Variants in DAB1 observed in about 807,000 individuals in gnomAD.
DAB1 encodes DAB adaptor protein 1.
A neutral mutation model predicts 64.6 loss-of-function variants in DAB1; 15 were observed. That is an observed-to-expected ratio of 0.23 (90% CI 0.16 to 0.36). The LOEUF (loss-of-function observed/expected upper bound fraction) is 0.36. DAB1 is among the 10% of genes least tolerant of loss of function. DAB1 has a pLI of 1.00. For synonymous variants in DAB1, 235 were observed against 251.9 expected (o/e 0.93, Z 0.64); for missense variants, 596 against 706.7 (o/e 0.84, Z 1.78).
downstream of DAB1, among the ~76,000 whole-genome samples, chr1:57,824,807 CCAG>C (rs1373746582): frequency 6.6e-6 from 1 of 152,156 alleles, no homozygotes; most frequent in Admixed American, 6.5e-5. Flanking sequence ...TTCAGAGATT[CCAG>C]CAGCAGCTGG....
chr1:58,429,843 A>G (rs932479339), intron 3 of DAB1, among the ~76,000 whole-genome samples: 1 of 152,162 alleles, frequency 6.6e-6, no homozygotes, highest in African/African-American at 2.4e-5. Context: ...AACAGTGTAG[A>G]TTATAAACCA....
intron 4 of DAB1, among the ~76,000 whole-genome samples, chr1:58,282,946 A>T (rs188915323): frequency 6.6e-6 from 1 of 152,362 alleles, no homozygotes; most frequent in East Asian, 1.9e-4. Context: ...GCTTGCAGAG[A>T]AGAAGCCAAC....
chr1:58,037,345 ATC>A (rs1647060251), intron 5 of DAB1, among the ~76,000 whole-genome samples: 1 of 152,064 alleles, frequency 6.6e-6, no homozygotes, highest in Non-Finnish European at 1.5e-5. Flanking sequence ...CTGCCTCCAG[ATC>A]TTCCCTTACG....
At chr1:57,372,027 A>G (rs148437303) in intron 1 of DAB1, among the ~76,000 whole-genome samples, 1,828 of 152,268 alleles carry the variant, frequency 0.012, 23 homozygotes, top group Non-Finnish European at 0.019. Context: ...AAACTTTAAA[A>G]CTCAAGAATA....
At chr1:57,982,387 A>G (rs1360525740) in intron 5 of DAB1, among the ~76,000 whole-genome samples, 1 of 152,210 alleles carries the variant, frequency 6.6e-6, no homozygotes, top group Admixed American at 6.5e-5. Flanking sequence ...TTAATAGTAT[A>G]ATAGGACTAG....
chr1:58,407,927 A>T (rs777476137), intron 3 of DAB1, among the ~76,000 whole-genome samples: 19 of 152,038 alleles, frequency 1.2e-4, no homozygotes, highest in Non-Finnish European at 2.6e-4. Flanking sequence ...GCCCTATGTG[A>T]CCTGACTTGC....
At chr1:57,313,302 T>G (rs1674894055) in intron 1 of DAB1, among the ~76,000 whole-genome samples, 1 of 152,170 alleles carries the variant, frequency 6.6e-6, no homozygotes, top group African/African-American at 2.4e-5. Flanking sequence ...CCTAGCCTGG[T>G]CCCCACAATA....
intron 1 of DAB1, among the ~76,000 whole-genome samples, chr1:57,319,976 A>C (rs1227643563): frequency 6.6e-6 from 1 of 151,244 alleles, no homozygotes; most frequent in Non-Finnish European, 1.5e-5. Context: ...CACAGGGCTG[A>C]AAGAAAGAAC....
At chr1:58,443,037 G>T (rs112672041) in intron 3 of DAB1, among the ~76,000 whole-genome samples, 1 of 152,212 alleles carries the variant, frequency 6.6e-6, no homozygotes, top group Non-Finnish European at 1.5e-5. Context: ...CAATTTTGAA[G>T]AAATCTTTGA....
At chr1:57,623,174 C>T (rs1027952067) in intron 7 of DAB1, among the ~76,000 whole-genome samples, 1 of 152,116 alleles carries the variant, frequency 6.6e-6, no homozygotes, top group Non-Finnish European at 1.5e-5. Flanking sequence ...AGCCGCCTGG[C>T]AGCAGGGGGC....
intron 7 of DAB1, among the ~76,000 whole-genome samples, chr1:57,497,600 C>T (rs1409053461): frequency 6.6e-6 from 1 of 152,190 alleles, no homozygotes; most frequent in East Asian, 1.9e-4. Flanking sequence ...TGAGAAGATT[C>T]TTCTGAGGAA....
At chr1:58,139,895 G>A (rs1053875613) in intron 5 of DAB1, among the ~76,000 whole-genome samples, 1 of 152,156 alleles carries the variant, frequency 6.6e-6, no homozygotes, top group Non-Finnish European at 1.5e-5. Context: ...GCCACAGGAG[G>A]TGCTCAATAG....
At chr1:57,452,162 C>G (rs1037569696) in intron 7 of DAB1, among the ~76,000 whole-genome samples, 13 of 99,794 alleles carry the variant, frequency 1.3e-4, no homozygotes, top group African/African-American at 4.5e-4. Context: ...TCTCTGCACC[C>G]CCCCTTTTTT....
intron 7 of DAB1, among the ~76,000 whole-genome samples, chr1:57,576,038 G>T (rs1444546836): frequency 6.6e-6 from 1 of 152,110 alleles, no homozygotes; most frequent in Admixed American, 6.5e-5. Context: ...ACTTAAAATA[G>T]TTCAATTTAT....
At chr1:58,121,275 T>G (rs1652718527) in intron 5 of DAB1, among the ~76,000 whole-genome samples, 2 of 152,134 alleles carry the variant, frequency 1.3e-5, no homozygotes, top group African/African-American at 4.8e-5. Flanking sequence ...ATGCCAAATC[T>G]TTAATGGCTT....
At chr1:57,342,206 C>G (rs777455231) in intron 1 of DAB1, among the ~76,000 whole-genome samples, 37 of 152,316 alleles carry the variant, frequency 2.4e-4, no homozygotes, top group Non-Finnish European at 4.1e-4. Context: ...TTCCTTCCAA[C>G]CCTTCTCACC....
chr1:57,946,764 T>C (rs1308312666), intron 5 of DAB1, among the ~76,000 whole-genome samples: 1 of 152,210 alleles, frequency 6.6e-6, no homozygotes, highest in Non-Finnish European at 1.5e-5. Flanking sequence ...TCCTGTATTA[T>C]CTCTTTTTGG....
At chr1:57,706,793 CCGGGCG>C (rs1190093563) in intron 6 of DAB1, among the ~76,000 whole-genome samples, 1 of 152,046 alleles carries the variant, frequency 6.6e-6, no homozygotes, top group Non-Finnish European at 1.5e-5. Context: ...ACATTCCAGG[CCGGGCG>C]CGGTGGCTCA....
At chr1:58,464,430 T>C (rs1645274790) in intron 3 of DAB1, among the ~76,000 whole-genome samples, 1 of 152,038 alleles carries the variant, frequency 6.6e-6, no homozygotes, top group Admixed American at 6.6e-5. Context: ...GTCCTTGAGG[T>C]TTTTATATTC....
Sources: gnomAD v4.1 joint callset for allele counts (sites outside exome capture counted in the v4.1 genomes callset) on GRCh38, gnomAD v4.1.1 for gene constraint, MANE v1.5 for transcripts, NCBI Gene and HGNC (gene_info 2026-07-23, HGNC 2026-07-21) for gene names.